Variants in PTPRN2 observed in about 807,000 individuals in gnomAD.
PTPRN2 encodes the protein protein tyrosine phosphatase receptor type N2.
Under a neutral mutation model 118.8 loss-of-function variants are expected in PTPRN2, and 74 were observed. The ratio of observed to expected loss-of-function variants is 0.62; its 90% CI spans 0.52 to 0.76. PTPRN2 has a LOEUF of 0.76. Ranked by LOEUF, PTPRN2 falls within the 30% of genes least tolerant of loss-of-function variation. The pLI, the probability that PTPRN2 is intolerant of heterozygous loss-of-function variation, is 0.00. For missense variants in PTPRN2, 1,481 were observed against 1,394.4 expected, an observed-to-expected ratio of 1.06 and a Z score of -0.99; for synonymous variants, 641 against 608.0, an observed-to-expected ratio of 1.05 and a Z score of -0.80.
At chr7:157,551,474 CAG>C (rs1798595189) in intron 21 of PTPRN2, among the ~76,000 whole-genome samples, 1 of 151,908 alleles carries the variant, frequency 6.6e-6, no homozygotes, top group Non-Finnish European at 1.5e-5. Flanking sequence ...ATGTACCCCA[CAG>C]ACACTGTGCA....
chr7:157,695,960 C>T (rs1427999792), intron 12 of PTPRN2, among the ~76,000 whole-genome samples: 51 of 150,936 alleles, frequency 3.4e-4, no homozygotes, highest in Non-Finnish European at 5.6e-4. Flanking sequence ...TCACCATCTA[C>T]CCATGCATAC....
intron 9 of PTPRN2, among the ~76,000 whole-genome samples, chr7:158,119,739 T>C (rs1306835112): frequency 6.6e-6 from 1 of 152,162 alleles, no homozygotes; most frequent in Non-Finnish European, 1.5e-5. Flanking sequence ...AACTTTATCA[T>C]AGGTATGTAT....
chr7:157,806,023 C>G (rs1805609880), intron 12 of PTPRN2, among the ~76,000 whole-genome samples: 1 of 152,146 alleles, frequency 6.6e-6, no homozygotes, highest in South Asian at 2.1e-4. Context: ...CCCACTTAGC[C>G]TCTTTGTGAA....
chr7:157,693,441 C>T (rs1032635460), intron 12 of PTPRN2, among the ~76,000 whole-genome samples: 5 of 152,132 alleles, frequency 3.3e-5, no homozygotes, highest in African/African-American at 4.8e-5. Flanking sequence ...GCTCGGGGAA[C>T]GCGCGCAGGC....
At chr7:158,354,284 G>A (rs1233881060) in intron 2 of PTPRN2, among the ~76,000 whole-genome samples, 1 of 152,032 alleles carries the variant, frequency 6.6e-6, no homozygotes, top group Non-Finnish European at 1.5e-5. Context: ...ATAAATAACC[G>A]TTCAGTGCCA....
chr7:157,734,859 C>G (rs1800208304), intron 12 of PTPRN2, among the ~76,000 whole-genome samples: 1 of 152,250 alleles, frequency 6.6e-6, no homozygotes, highest in African/African-American at 2.4e-5. Context: ...ACACCAGGAC[C>G]TGGCGCTCGG....
chr7:158,307,202 A>T (rs964009120), intron 3 of PTPRN2, among the ~76,000 whole-genome samples: 2 of 152,192 alleles, frequency 1.3e-5, no homozygotes, highest in Non-Finnish European at 2.9e-5. Flanking sequence ...CAAAAACTGT[A>T]AGAACAATGT....
rs143636632 is a variant in PTPRN2 at position 157,970,440 on chromosome 7, C to G, written c.1724-71703G>C. On this transcript the variant is annotated intron_variant, in intron 11 of 22. Transcript: ENST00000389418. ...CCAGGGGAAGAAAGAAGGGGAAAGTCTCTATTCCAGCACAAGGGTCTGAAG... is the reference window on the plus strand; with the variant it reads ...CCAGGGGAAGAAAGAAGGGGAAAGTGTCTATTCCAGCACAAGGGTCTGAAG... Among the ~76,000 whole-genome samples, 41 of 152,322 alleles carry G rather than the reference C, an allele frequency of 2.7e-4. No individual in the cohort carries two copies. In the East Asian group the frequency reaches 7.7e-3, roughly 29 times the overall value.
intron 11 of PTPRN2, among the ~76,000 whole-genome samples, chr7:157,938,486 T>G (rs1799854841): frequency 1.3e-5 from 2 of 152,190 alleles, no homozygotes; most frequent in South Asian, 4.1e-4. Context: ...CCATGCCACG[T>G]GCAGACCACT....
intron 12 of PTPRN2, among the ~76,000 whole-genome samples, chr7:157,820,788 T>C (rs1020672251): frequency 1.3e-5 from 2 of 152,234 alleles, no homozygotes; most frequent in Non-Finnish European, 2.9e-5. Flanking sequence ...AGAATGATCT[T>C]GGAGTTATTC....
chr7:158,116,507 C>G (rs959326093), intron 9 of PTPRN2, among the ~76,000 whole-genome samples: 3 of 152,256 alleles, frequency 2.0e-5, no homozygotes, highest in Non-Finnish European at 4.4e-5. Flanking sequence ...CAGCTGTGCA[C>G]ATGTTCCTGG....
At chr7:158,307,202 A>G (rs964009120) in intron 3 of PTPRN2, among the ~76,000 whole-genome samples, 1 of 152,192 alleles carries the variant, frequency 6.6e-6, no homozygotes, top group Non-Finnish European at 1.5e-5. Context: ...CAAAAACTGT[A>G]AGAACAATGT....
chr7:157,946,413 CA>C (rs1800491522), intron 11 of PTPRN2, among the ~76,000 whole-genome samples: 1 of 152,182 alleles, frequency 6.6e-6, no homozygotes, highest in African/African-American at 2.4e-5. Context: ...GTTATTTGTT[CA>C]CACCATTTCA....
chr7:158,146,652 C>T lies in PTPRN2; in HGVS notation c.911-8137G>A, dbSNP rs148409931. Among the ~76,000 whole-genome samples the T allele has an allele frequency of 2.7e-5, 4 of 146,050 alleles. No individual in the cohort carries two copies. In the South Asian group the frequency reaches 6.4e-4, roughly 23 times the overall value. ...AGAAGAATGGTGTGAACCCAGGAGG[C>T]GGAGCTAGTAGTGAGCTGAGATCGC... On this transcript the variant is annotated intron_variant, in intron 6 of 22. Transcript: ENST00000389418.
intron 12 of PTPRN2, among the ~76,000 whole-genome samples, chr7:157,788,901 T>C (rs1455101105): frequency 6.6e-6 from 1 of 152,200 alleles, no homozygotes; most frequent in Admixed American, 6.5e-5. Flanking sequence ...ACCTCTCCAA[T>C]GCTGGGGATA....
At chr7:158,393,337 A>T (rs1812086834) in intron 2 of PTPRN2, among the ~76,000 whole-genome samples, 1 of 152,246 alleles carries the variant, frequency 6.6e-6, no homozygotes, top group African/African-American at 2.4e-5. Context: ...CACTGAAGGA[A>T]AATTAAAGTT....
chr7:158,281,349 A>G (rs548468766), intron 3 of PTPRN2, among the ~76,000 whole-genome samples: 32 of 152,384 alleles, frequency 2.1e-4, no homozygotes, highest in African/African-American at 7.2e-4. Context: ...CATATAAAAC[A>G]GTAGTAGAGT....
chr7:157,819,286 G>GA (rs1241601644), intron 12 of PTPRN2, among the ~76,000 whole-genome samples: 1 of 152,174 alleles, frequency 6.6e-6, no homozygotes, highest in Non-Finnish European at 1.5e-5. Context: ...GCATGGCCCT[G>GA]ACAGGGACAG....
intron 1 of PTPRN2, among the ~76,000 whole-genome samples, chr7:158,532,088 G>T (rs1426648389): frequency 1.3e-5 from 2 of 152,348 alleles, no homozygotes; most frequent in Middle Eastern, 3.4e-3. Context: ...AACAAAGTCA[G>T]AAAGGGGCGT....
Sources: gnomAD v4.1 joint callset for allele counts (sites outside exome capture counted in the v4.1 genomes callset) on GRCh38, gnomAD v4.1.1 for gene constraint, MANE v1.5 for transcripts, NCBI Gene and HGNC (gene_info 2026-07-23, HGNC 2026-07-21) for gene names.